FERRY3: variants seen among roughly 807,000 people sequenced by gnomAD.
The protein encoded by FERRY3 is FERRY endosomal RAB5 effector complex subunit 3.
the FERRY3 span, among the ~76,000 whole-genome samples, chr12:4,523,947 T>TTAAAG: frequency 6.6e-6 from 1 of 151,932 alleles, no homozygotes; most frequent in Non-Finnish European, 1.5e-5. Context: ...ACCCTAGAAC[T>TTAAAG]TAAAGTATAA....
the FERRY3 span, chr12:4,517,034 A>G: frequency 6.7e-7 from 1 of 1,496,972 alleles, no homozygotes; most frequent in South Asian, 1.5e-5. Flanking sequence ...TTATAGACAG[A>G]ATATAATAAA....
At chr12:4,514,531 G>T in the FERRY3 span, among the ~76,000 whole-genome samples, 1 of 152,056 alleles carries the variant, frequency 6.6e-6, no homozygotes, top group African/African-American at 2.4e-5. Context: ...TTAAGAAAAT[G>T]TGGCACATAT....
chr12:4,506,709 G>A, the FERRY3 span, among the ~76,000 whole-genome samples: 2 of 152,034 alleles, frequency 1.3e-5, no homozygotes, highest in African/African-American at 4.8e-5. Flanking sequence ...GTAAGAAGAT[G>A]GCTAGTTTTA....
the FERRY3 span, among the ~76,000 whole-genome samples, chr12:4,505,538 A>C: frequency 6.6e-6 from 1 of 152,340 alleles, no homozygotes; most frequent in East Asian, 1.9e-4. Context: ...ATGTCATTTA[A>C]TTCTTACAAA....
the FERRY3 span, chr12:4,505,346 C>G: frequency 6.2e-7 from 1 of 1,606,184 alleles, no homozygotes. Context: ...CATTCTTAGT[C>G]TTATCATCAT....
At chr12:4,509,909 A>C in the FERRY3 span, among the ~76,000 whole-genome samples, 1 of 140,584 alleles carries the variant, frequency 7.1e-6, no homozygotes, top group Non-Finnish European at 1.5e-5. Flanking sequence ...AATGACTTTG[A>C]CGAGCTGAGA....
the FERRY3 span, among the ~76,000 whole-genome samples, chr12:4,517,728 G>C: frequency 7.4e-5 from 11 of 149,456 alleles, no homozygotes; most frequent in African/African-American, 2.7e-4. Flanking sequence ...GAGAGAGAGA[G>C]AGAGAGAGAG....
At chr12:4,529,967 A>T in the FERRY3 span, 5 of 1,613,698 alleles carry the variant, frequency 3.1e-6, no homozygotes, top group South Asian at 3.3e-5. Context: ...TTTCAGAGGC[A>T]GGAGAATGAA....
the FERRY3 span, among the ~76,000 whole-genome samples, chr12:4,528,393 C>G: frequency 6.6e-6 from 1 of 151,958 alleles, no homozygotes; most frequent in East Asian, 1.9e-4. Flanking sequence ...ATTTTATGGG[C>G]TACATAATAA....
chr12:4,532,952 T>C, the FERRY3 span, among the ~76,000 whole-genome samples: 4 of 152,304 alleles, frequency 2.6e-5, no homozygotes, highest in African/African-American at 7.2e-5. Context: ...AAGTTTATGG[T>C]GACAAACTGG....
chr12:4,489,518 G>A, the FERRY3 span: 1 of 197,884 alleles, frequency 5.1e-6, no homozygotes, highest in Admixed American at 5.7e-5. Flanking sequence ...TTTCCCAAGT[G>A]TCCATGTGTG....
chr12:4,518,724 G>A, the FERRY3 span: 7 of 1,017,360 alleles, frequency 6.9e-6, 1 homozygote, highest in African/African-American at 5.0e-5. Flanking sequence ...TTAAAAAATA[G>A]TTTCAGAAGT....
At chr12:4,528,063 G>A in the FERRY3 span, among the ~76,000 whole-genome samples, 5,517 of 152,038 alleles carry the variant, frequency 0.036, 333 homozygotes, top group African/African-American at 0.12. Flanking sequence ...AGTTTTCTAG[G>A]GGGTAGAGGC....
chr12:4,514,135 C>T, the FERRY3 span, among the ~76,000 whole-genome samples: 2 of 151,724 alleles, frequency 1.3e-5, no homozygotes, highest in South Asian at 4.2e-4. Flanking sequence ...CCAAAAAACA[C>T]ATGAAAAAAT....
the FERRY3 span, chr12:4,490,634 T>C: frequency 6.8e-7 from 1 of 1,469,804 alleles, no homozygotes. Context: ...GTTCTGGCCT[T>C]CAAACCTACC....
chr12:4,537,258 G>A, the FERRY3 span, among the ~76,000 whole-genome samples: 13 of 152,226 alleles, frequency 8.5e-5, no homozygotes, highest in East Asian at 2.5e-3. Flanking sequence ...TAATTCTTCA[G>A]GTCTCAGTTA....
the FERRY3 span, among the ~76,000 whole-genome samples, chr12:4,506,307 C>G: frequency 1.3e-5 from 2 of 151,954 alleles, no homozygotes; most frequent in Non-Finnish European, 2.9e-5. Flanking sequence ...GACCTTCAAA[C>G]AAGTAAACAG....
the FERRY3 span, among the ~76,000 whole-genome samples, chr12:4,513,797 A>G: frequency 5.3e-5 from 8 of 152,104 alleles, no homozygotes; most frequent in South Asian, 2.1e-4. Context: ...AACCCTAGAA[A>G]AAAACCTAGG....
the FERRY3 span, among the ~76,000 whole-genome samples, chr12:4,509,578 G>A: frequency 1.5e-4 from 22 of 148,112 alleles, no homozygotes; most frequent in Non-Finnish European, 2.8e-4. Flanking sequence ...CTCCTCAAGT[G>A]GGTCCCTGAC....
Sources: gnomAD v4.1 joint callset for allele counts (sites outside exome capture counted in the v4.1 genomes callset) on GRCh38, gnomAD v4.1.1 for gene constraint, MANE v1.5 for transcripts, NCBI Gene and HGNC (gene_info 2026-07-23, HGNC 2026-07-21) for gene names.